The following MTHFD1L variants were observed in gnomAD, a reference collection of about 807,000 sequenced individuals.
MTHFD1L encodes methylenetetrahydrofolate dehydrogenase (NADP+ dependent) 1 like, also known as monofunctional C1-tetrahydrofolate synthase, mitochondrial.
A neutral mutation model predicts 119.5 loss-of-function variants in MTHFD1L; 81 were observed. That is an observed-to-expected ratio of 0.68 (90% CI 0.57 to 0.82). MTHFD1L has a LOEUF of 0.82. Among genes scored for constraint, MTHFD1L ranks in the 40% least tolerant of loss-of-function variants. The probability of loss-of-function intolerance (pLI) is 0.00; values close to 1 mark genes in which losing one functional copy is unlikely to be tolerated. For missense variants in MTHFD1L, 1,125 were observed against 1,253.4 expected, an observed-to-expected ratio of 0.90 and a Z score of 1.55; for synonymous variants, 430 against 475.2, an observed-to-expected ratio of 0.90 and a Z score of 1.24.
In MTHFD1L at chr6:151,039,805, C is replaced by T. The variant is rs548069714; in HGVS notation, c.2847+2688C>T. 2.0e-5 allele frequency among the ~76,000 whole-genome samples: 3 copies of T among 152,062 alleles called. No homozygotes were observed. Among genetic ancestry groups the T allele is most frequent in the Non-Finnish European group, 4.4e-5 (3 of 68,030 alleles). ...TGGTGGGCACCTATAATCCCAGCTG[C>T]TCAGGAGGCTGAGGCAGGAGAATCG... On this transcript the variant is annotated intron_variant, in intron 26 of 27. Coordinates refer to ENST00000367321, the MANE Select transcript of MTHFD1L (RefSeq NM_015440.5). This position sits in a 1 kb window ranked among gnomAD's most constrained non-coding sequence, Gnocchi z 4.4.
At chr6:151,090,574 C>T (rs993775497) in intron 26 of MTHFD1L, among the ~76,000 whole-genome samples, 1 of 136,628 alleles carries the variant, frequency 7.3e-6, no homozygotes, top group African/African-American at 3.7e-5. Context: ...AGGGAAACCT[C>T]GAGTCACGAC....
At chr6:150,980,355 C>T (rs577380264) in intron 20 of MTHFD1L, among the ~76,000 whole-genome samples, 60 of 152,294 alleles carry the variant, frequency 3.9e-4, no homozygotes, top group African/African-American at 1.3e-3. Context: ...GCTGTCTGTT[C>T]GGCCCTTGTC....
intron 24 of MTHFD1L, among the ~76,000 whole-genome samples, chr6:151,032,890 G>T (rs1785551608): frequency 6.6e-6 from 1 of 152,104 alleles, no homozygotes; most frequent in East Asian, 1.9e-4. Flanking sequence ...GCAGTTTTGG[G>T]TTCTATCAGG....
At chr6:150,994,503 A>G (rs1779560527) in intron 20 of MTHFD1L, among the ~76,000 whole-genome samples, 1 of 151,130 alleles carries the variant, frequency 6.6e-6, no homozygotes. Flanking sequence ...TAATCCCGTC[A>G]TCTGTGTCAT....
intron 7 of MTHFD1L, chr6:150,899,008 G>A: frequency 9.9e-7 from 1 of 1,008,116 alleles, no homozygotes; most frequent in Non-Finnish European, 1.2e-6. Flanking sequence ...GAATGGTGCT[G>A]CATTTTTCCT....
intron 16 of MTHFD1L, among the ~76,000 whole-genome samples, chr6:150,952,120 CT>C (rs1794954651): frequency 6.6e-6 from 1 of 152,104 alleles, no homozygotes; most frequent in Non-Finnish European, 1.5e-5. Context: ...TTGTGAATCA[CT>C]TTTAATGGAA....
At chr6:151,000,661 T>A (rs1221224936) in intron 20 of MTHFD1L, among the ~76,000 whole-genome samples, 3 of 152,236 alleles carry the variant, frequency 2.0e-5, no homozygotes, top group African/African-American at 7.2e-5. Context: ...TGTCTCCTGG[T>A]AGTCACTGAA....
At chr6:151,054,815 G>A (rs1789628702) in intron 26 of MTHFD1L, 1 of 152,214 alleles carries the variant, frequency 6.6e-6, no homozygotes, top group South Asian at 2.1e-4. Flanking sequence ...TACATGTACA[G>A]TGATTACGTG....
intron 17 of MTHFD1L, 120 bp downstream of exon 17, chr6:150,956,191 A>G: frequency 1.0e-6 from 1 of 982,994 alleles, no homozygotes; most frequent in Non-Finnish European, 1.6e-6. Context: ...TGGTTCTCTC[A>G]CTGTTTTGGG....
chr6:151,079,950 G>A (rs367854442), intron 26 of MTHFD1L, among the ~76,000 whole-genome samples: 93 of 151,630 alleles, frequency 6.1e-4, no homozygotes, highest in East Asian at 1.8e-3. Context: ...CGAGGTAGGC[G>A]GTTCACCTAA....
At chr6:151,076,447 C>T (rs964062244) in intron 26 of MTHFD1L, among the ~76,000 whole-genome samples, 1 of 152,004 alleles carries the variant, frequency 6.6e-6, no homozygotes, top group Non-Finnish European at 1.5e-5. Context: ...GTCAGGAGTT[C>T]AAGACCAGCC....
chr6:150,903,612 C>T lies in MTHFD1L; in HGVS notation c.781-2038C>T, dbSNP rs113814409. On this transcript the variant is annotated intron_variant, in intron 7 of 27. Coordinates refer to ENST00000367321, the MANE Select transcript of MTHFD1L (RefSeq NM_015440.5). Reference sequence around the variant, plus strand: ...TTATTTTATTTTATTTTTGTAGAGACAGGGCCTTACTATGTTGCCCAAGCT... The same window carrying T: ...TTATTTTATTTTATTTTTGTAGAGATAGGGCCTTACTATGTTGCCCAAGCT... 1.9e-4 allele frequency among the ~76,000 whole-genome samples: 29 copies of T among 152,168 alleles called. 1 individual carries two copies. Among genetic ancestry groups the T allele is most frequent in the African/African-American group, 6.3e-4 (26 of 41,532 alleles).
intron 12 of MTHFD1L, 45 bp downstream of exon 12, chr6:150,936,985 G>T (rs1263090678): frequency 2.5e-6 from 4 of 1,599,702 alleles, no homozygotes; most frequent in Non-Finnish European, 3.4e-6. Context: ...CAAAGTTGGG[G>T]GGAGAGAATT....
At chr6:150,949,187 G>A (rs995433532) in intron 16 of MTHFD1L, 54 bp downstream of exon 16, 2 of 1,422,138 alleles carry the variant, frequency 1.4e-6, no homozygotes, top group East Asian at 2.3e-5. Context: ...AGGCGTGTTC[G>A]AGCCGAAGCG....
chr6:150,949,098 TC>T lies in MTHFD1L; in HGVS notation c.1692del (p.Asp565ThrfsTer23). 6.2e-7 allele frequency: 1 copy of T among 1,614,096 alleles called. No homozygotes were observed. Among genetic ancestry groups the T allele is most frequent in the Non-Finnish European group, 8.5e-7 (1 of 1,180,006 alleles). On this transcript the variant is annotated frameshift_variant, in exon 16 of 28. Coordinates refer to ENST00000367321, the MANE Select transcript of MTHFD1L (RefSeq NM_015440.5). LOFTEE classifies it high-confidence loss of function. ...GAGGAAGTGAGTAAATTTGCCCGTC[TC>T]GACATCGACCCATCTACCATCACGT... ...TEEEVSKFAR[L>X]DIDPSTITWQ...
chr6:150,916,268 G>A (rs529099947), intron 8 of MTHFD1L, among the ~76,000 whole-genome samples: 2 of 139,496 alleles, frequency 1.4e-5, no homozygotes, highest in Non-Finnish European at 3.1e-5. Context: ...AATTTTCTAA[G>A]TGATGAAGGA....
chr6:150,983,975 T>A (rs538197517), intron 20 of MTHFD1L, among the ~76,000 whole-genome samples: 1 of 152,256 alleles, frequency 6.6e-6, no homozygotes, highest in South Asian at 2.1e-4. Flanking sequence ...TCTCACTACG[T>A]TGCCCAGGCT....
At chr6:151,014,072 A>G (rs1350226965) in intron 22 of MTHFD1L, among the ~76,000 whole-genome samples, 2 of 152,212 alleles carry the variant, frequency 1.3e-5, no homozygotes, top group Non-Finnish European at 2.9e-5. Context: ...TAAAAATACA[A>G]AAATTAGCTG....
intron 24 of MTHFD1L, among the ~76,000 whole-genome samples, chr6:151,021,142 C>G (rs541469464): frequency 1.3e-5 from 2 of 152,194 alleles, no homozygotes; most frequent in African/African-American, 4.8e-5. Context: ...ACTAATCTCT[C>G]GAGCCTCAGC....
Sources: gnomAD v4.1 joint callset for allele counts (sites outside exome capture counted in the v4.1 genomes callset) on GRCh38, gnomAD v4.1.1 for gene constraint, Gnocchi (gnomAD v3.1) non-coding constraint, MANE v1.5 for transcripts, NCBI Gene and HGNC (gene_info 2026-07-23, HGNC 2026-07-21) for gene names.